XRCC4: variants seen among roughly 807,000 people sequenced by gnomAD.
XRCC4 encodes the protein DNA repair protein XRCC4.
Under a neutral mutation model 39.1 loss-of-function variants are expected in XRCC4, and 28 were observed. The observed-to-expected ratio is 0.72, with a 90% CI of 0.53 to 0.98. XRCC4 has a LOEUF of 0.98. Among genes scored for constraint, XRCC4 ranks in the 50% least tolerant of loss-of-function variants. The probability of loss-of-function intolerance (pLI) is 0.00; values close to 1 mark genes in which losing one functional copy is unlikely to be tolerated. For synonymous variants in XRCC4, 123 were observed against 126.4 expected, an observed-to-expected ratio of 0.97 and a Z score of 0.18; for missense variants, 350 against 376.4, an observed-to-expected ratio of 0.93 and a Z score of 0.58.
At chr5:83,144,426 C>T (rs896796822) in intron 3 of XRCC4, among the ~76,000 whole-genome samples, 1 of 151,998 alleles carries the variant, frequency 6.6e-6, no homozygotes, top group African/African-American at 2.4e-5. Flanking sequence ...CACCTAATGA[C>T]TATTTCTCAG....
chr5:83,279,386 G>A (rs1021647093), intron 7 of XRCC4, among the ~76,000 whole-genome samples: 10 of 151,958 alleles, frequency 6.6e-5, no homozygotes, highest in East Asian at 3.9e-4. Context: ...GGAGCTAACC[G>A]CACTATGGCA....
intron 6 of XRCC4, among the ~76,000 whole-genome samples, chr5:83,247,259 A>T (rs1328876470): frequency 1.3e-5 from 2 of 152,160 alleles, no homozygotes; most frequent in African/African-American, 4.8e-5. Flanking sequence ...TAAGATGATG[A>T]TGCCTTCATC....
At chr5:83,285,392 C>T (rs979989179) in intron 7 of XRCC4, among the ~76,000 whole-genome samples, 1 of 151,938 alleles carries the variant, frequency 6.6e-6, no homozygotes, top group African/African-American at 2.4e-5. Context: ...AAAAATTTTT[C>T]ATTTAACTTT....
intron 7 of XRCC4, among the ~76,000 whole-genome samples, chr5:83,296,397 A>T (rs1755095356): frequency 6.6e-6 from 1 of 152,136 alleles, no homozygotes; most frequent in Non-Finnish European, 1.5e-5. Flanking sequence ...CTTGCATAGG[A>T]CATACAAATG....
intron 6 of XRCC4, among the ~76,000 whole-genome samples, chr5:83,214,649 G>A (rs910819568): frequency 3.3e-5 from 5 of 151,796 alleles, no homozygotes; most frequent in Admixed American, 1.3e-4. Flanking sequence ...TGGCTAACAC[G>A]GTGAAACCCC....
Position 83,353,187 on chromosome 5 carries a change from T to G in XRCC4, c.950T>G (p.Met317Arg), listed in dbSNP as rs758235034. 6.2e-7 allele frequency: 1 copy of G among 1,612,672 alleles called. No individual in the cohort carries two copies. The highest frequency in any genetic ancestry group is 1.1e-5 in the South Asian group (1 of 90,962). Residue 317 changes from methionine to arginine, a missense_variant, in exon 8 of 8, where the codon ATG (methionine) becomes AGG (arginine). Physicochemically the swap from Met to Arg is moderately conservative, Grantham distance 91. Transcript: ENST00000396027. ...AAGGAGCACATCTCAGCTGAAAACATGTCTTTAGAAACTCTGAGAAACAGC... is the reference window on the plus strand; with the variant it reads ...AAGGAGCACATCTCAGCTGAAAACAGGTCTTTAGAAACTCTGAGAAACAGC... ...SKKEHISAEN[M>R]SLETLRNSSP... is the part of the protein sequence containing the mutation.
rs540197313 is a variant in XRCC4 at position 83,337,662 on chromosome 5, A to C, written c.894-15469A>C. ...GACACTAACACCTTGGAGCAAAGAC[A>C]AGCCATCCACGCTGTGTCCTGGACA... On this transcript the variant is annotated intron_variant, in intron 7 of 7. Transcript: ENST00000396027. Among the ~76,000 whole-genome samples, 6 of 152,306 alleles carry C rather than the reference A, an allele frequency of 3.9e-5. No homozygotes were observed. In the South Asian group the frequency reaches 1.2e-3, roughly 32 times the overall value.
chr5:83,128,858 G>A (rs1438856146), intron 3 of XRCC4, among the ~76,000 whole-genome samples: 7 of 152,080 alleles, frequency 4.6e-5, no homozygotes, highest in African/African-American at 7.2e-5. Flanking sequence ...TAAATTCTGT[G>A]TAGATTCTGG....
At chr5:83,117,631 ATGTGTGTGTGTGTGTGTGTGTG>A (rs70973379) in intron 3 of XRCC4, among the ~76,000 whole-genome samples, 4 of 145,884 alleles carry the variant, frequency 2.7e-5, no homozygotes, top group East Asian at 2.1e-4. Context: ...CTACATATAT[ATGTGTGTGTGTGTGTGTGTGTG>A]TGTGTGTGTG....
chr5:83,204,987 A>G (rs1751364368), intron 6 of XRCC4, 66 bp downstream of exon 6: 4 of 1,099,456 alleles, frequency 3.6e-6, no homozygotes, highest in East Asian at 5.1e-5. Flanking sequence ...TCTAATGACA[A>G]GAAACCATAA....
chr5:83,308,462 C>A (rs182823704), intron 7 of XRCC4, among the ~76,000 whole-genome samples: 18 of 152,188 alleles, frequency 1.2e-4, no homozygotes, highest in Non-Finnish European at 2.4e-4. Flanking sequence ...GAATAGAAAT[C>A]TTATTTTATA....
intron 3 of XRCC4, among the ~76,000 whole-genome samples, chr5:83,180,681 A>G (rs1399913655): frequency 1.3e-5 from 2 of 152,186 alleles, no homozygotes; most frequent in Non-Finnish European, 1.5e-5. Context: ...GTTTGGCATA[A>G]TTAATGTTTA....
chr5:83,078,803 A>T (rs1321840018), intron 1 of XRCC4, among the ~76,000 whole-genome samples: 3 of 152,156 alleles, frequency 2.0e-5, no homozygotes, highest in Non-Finnish European at 4.4e-5. Context: ...AGGTTGGGGG[A>T]GAGGGGAATA....
chr5:83,176,461 C>T (rs1402343430), intron 3 of XRCC4, among the ~76,000 whole-genome samples: 3 of 151,852 alleles, frequency 2.0e-5, no homozygotes, highest in Non-Finnish European at 1.5e-5. Flanking sequence ...AGGGTAGAGG[C>T]CGTGGAAGGC....
At chr5:83,328,000 C>T (rs112776825) in intron 7 of XRCC4, among the ~76,000 whole-genome samples, 8,316 of 152,080 alleles carry the variant, frequency 0.055, 375 homozygotes, top group East Asian at 0.15. Flanking sequence ...CGTTTTCATG[C>T]TGCTGATAAA....
intron 6 of XRCC4, among the ~76,000 whole-genome samples, chr5:83,255,087 C>CAA (rs564311242): frequency 0.042 from 5,486 of 129,548 alleles, 153 homozygotes; most frequent in South Asian, 0.14. Context: ...AATTCCGTCT[C>CAA]AAAAAAGAAA....
Position 83,110,918 on chromosome 5 carries a change from G to A in XRCC4, c.140-110G>A. 2.8e-6 allele frequency: 3 copies of A among 1,064,068 alleles called. No individual in the cohort carries two copies. The South Asian group carries it at 4.9e-5, about 17-fold the overall frequency. 65.9% of individuals were successfully genotyped at this position (1,064,068 alleles called of 1,614,324 possible). A position where few individuals can be genotyped will look rare whatever the true frequency, so the allele number is the denominator to read the frequency against. On this transcript the variant is annotated intron_variant, in intron 2 of 7. Coordinates refer to ENST00000396027, the MANE Select transcript of XRCC4 (RefSeq NM_003401.5). ...TGTAGTATAGGGATTGATTTTACTT[G>A]TTTGAATTTCTGTTACATGTGATAA...
At chr5:83,147,534 G>A (rs1748512822) in intron 3 of XRCC4, among the ~76,000 whole-genome samples, 1 of 152,090 alleles carries the variant, frequency 6.6e-6, no homozygotes, top group African/African-American at 2.4e-5. Flanking sequence ...GTAGAATGAT[G>A]GTTACCTGGG....
intron 3 of XRCC4, among the ~76,000 whole-genome samples, chr5:83,136,091 C>T (rs1421382030): frequency 6.6e-6 from 1 of 152,124 alleles, no homozygotes. Flanking sequence ...CAGGAACAAA[C>T]ATTTATTTTA....
Sources: gnomAD v4.1 joint callset for allele counts (sites outside exome capture counted in the v4.1 genomes callset) on GRCh38, gnomAD v4.1.1 for gene constraint, MANE v1.5 for transcripts, NCBI Gene and HGNC (gene_info 2026-07-23, HGNC 2026-07-21) for gene names.